Variants in IL1RAPL2 observed in about 807,000 individuals in gnomAD.
IL1RAPL2 encodes the protein interleukin 1 receptor accessory protein like 2.
In IL1RAPL2, 3 loss-of-function variants were observed where a neutral mutation model predicts 44.1. That is an observed-to-expected ratio of 0.07 (90% CI 0.03 to 0.18). The LOEUF (loss-of-function observed/expected upper bound fraction) is 0.18, where lower values mean the gene tolerates loss of function less well. IL1RAPL2 is among the 10% of genes least tolerant of loss of function. IL1RAPL2 has a pLI of 1.00. For synonymous variants in IL1RAPL2, 181 were observed against 178.8 expected, an observed-to-expected ratio of 1.01 and a Z score of -0.10; for missense variants, 391 against 496.4, an observed-to-expected ratio of 0.79 and a Z score of 2.02.
chrX:105,647,202 C>T (rs1346959245), intron 6 of IL1RAPL2, among the ~76,000 whole-genome samples: 2 of 111,928 alleles, frequency 1.8e-5, no homozygotes, highest in Non-Finnish European at 3.8e-5. Context: ...CTGCCAGATC[C>T]GGAGGGGTGG....
At chrX:105,497,693 G>A (rs2036365643) in intron 6 of IL1RAPL2, among the ~76,000 whole-genome samples, 1 of 111,536 alleles carries the variant, frequency 9.0e-6, no homozygotes, top group South Asian at 3.7e-4. Context: ...CTAGCAAACT[G>A]AATTCGACAC....
intron 7 of IL1RAPL2, among the ~76,000 whole-genome samples, chrX:105,732,217 T>C (rs979410131): frequency 2.7e-5 from 3 of 111,439 alleles, no homozygotes; most frequent in Middle Eastern, 4.7e-3. Flanking sequence ...CTGGTTTTAA[T>C]TGAGCATTTT....
chrX:104,859,959 C>T lies in IL1RAPL2; in HGVS notation c.82+200964C>T, dbSNP rs1321413634. 4.5e-5 allele frequency among the ~76,000 whole-genome samples: 5 copies of T among 112,024 alleles called. No homozygotes were observed. In the South Asian group the frequency reaches 1.1e-3, roughly 25 times the overall value. On this transcript the variant is annotated intron_variant, in intron 2 of 10. Transcript: ENST00000372582. Reference sequence around the variant, plus strand: ...AGCCATTTTTAATCTTTGCATTTTCCTCTTTGCAAGTAGTTTCTAAGACAG... The same window carrying T: ...AGCCATTTTTAATCTTTGCATTTTCTTCTTTGCAAGTAGTTTCTAAGACAG...
At chrX:104,805,422 A>T (rs1016340085) in intron 2 of IL1RAPL2, among the ~76,000 whole-genome samples, 1 of 112,097 alleles carries the variant, frequency 8.9e-6, no homozygotes, top group Non-Finnish European at 1.9e-5. Context: ...GGGCAATTTG[A>T]TAGTAATTTA....
chrX:105,457,153 C>G (rs2036061694), intron 5 of IL1RAPL2, among the ~76,000 whole-genome samples: 1 of 109,525 alleles, frequency 9.1e-6, no homozygotes, highest in South Asian at 4.0e-4. Flanking sequence ...CTAGACCCAC[C>G]CTGTTGCACA....
chrX:104,797,428 G>A (rs1932857830), intron 2 of IL1RAPL2, among the ~76,000 whole-genome samples: 1 of 110,544 alleles, frequency 9.0e-6, no homozygotes, highest in Non-Finnish European at 1.9e-5. Context: ...GGTGTTTTTT[G>A]TTTGTTTTCA....
At chrX:105,504,830 G>A (rs1277600888) in intron 6 of IL1RAPL2, among the ~76,000 whole-genome samples, 1 of 111,659 alleles carries the variant, frequency 9.0e-6, no homozygotes, top group Non-Finnish European at 1.9e-5. Flanking sequence ...TTAAGTCTAT[G>A]CATATAATGC....
chrX:105,357,865 C>T (rs1353356191), intron 5 of IL1RAPL2, among the ~76,000 whole-genome samples: 1 of 107,640 alleles, frequency 9.3e-6, no homozygotes, highest in Non-Finnish European at 1.9e-5. Context: ...AATGTTTGGG[C>T]TAGGTGTGGT....
At chrX:104,847,722 C>T (rs1922095574) in intron 2 of IL1RAPL2, among the ~76,000 whole-genome samples, 2 of 111,685 alleles carry the variant, frequency 1.8e-5, no homozygotes, top group Admixed American at 1.9e-4. Flanking sequence ...TTTTCCAATT[C>T]TGTGAAGAAA....
At chrX:105,677,862 G>A (rs1240216636) in intron 6 of IL1RAPL2, among the ~76,000 whole-genome samples, 1 of 111,921 alleles carries the variant, frequency 8.9e-6, no homozygotes, top group Non-Finnish European at 1.9e-5. Flanking sequence ...ATGTTCTGAT[G>A]GAGATTGCAG....
chrX:105,540,586 T>G (rs1263735142), intron 6 of IL1RAPL2, among the ~76,000 whole-genome samples: 1 of 107,960 alleles, frequency 9.3e-6, no homozygotes, highest in African/African-American at 3.4e-5. Context: ...TTGATTATCA[T>G]TTTATTCCAT....
chrX:105,272,442 G>C (rs898673725), intron 5 of IL1RAPL2, among the ~76,000 whole-genome samples: 2 of 111,769 alleles, frequency 1.8e-5, no homozygotes, highest in South Asian at 7.4e-4. Context: ...TTTTAGACAT[G>C]AGCATTAGCT....
intron 2 of IL1RAPL2, among the ~76,000 whole-genome samples, chrX:104,720,742 A>G (rs1931660395): frequency 2.7e-5 from 3 of 111,281 alleles, no homozygotes; most frequent in African/African-American, 9.8e-5. Flanking sequence ...CAGGACTGGT[A>G]TTTTCTTCTT....
At chrX:104,777,371 C>G (rs1932734008) in intron 2 of IL1RAPL2, among the ~76,000 whole-genome samples, 1 of 109,702 alleles carries the variant, frequency 9.1e-6, no homozygotes, top group East Asian at 2.9e-4. Context: ...ACCAGGTGTC[C>G]AAATTTCTTC....
At position 104,631,337 on chromosome X, in the gene IL1RAPL2, C is replaced by A. The variant is rs1396987663; in HGVS notation, c.-19-27558C>A. Among the ~76,000 whole-genome samples the A allele has an allele frequency of 2.7e-5, 3 of 111,790 alleles. No homozygotes were observed. The East Asian group carries it at 8.4e-4, about 31-fold the overall frequency. Reference sequence around the variant, plus strand: ...TCTTTATAGAAGCATGATTTATAATCCTTTGGGTATATACCCAGTAATGGG... The same window carrying A: ...TCTTTATAGAAGCATGATTTATAATACTTTGGGTATATACCCAGTAATGGG... On this transcript the variant is annotated intron_variant, in intron 1 of 10. Transcript: ENST00000372582.
At chrX:104,770,735 C>G (rs1259312129) in intron 2 of IL1RAPL2, among the ~76,000 whole-genome samples, 2 of 112,107 alleles carry the variant, frequency 1.8e-5, no homozygotes, top group African/African-American at 3.2e-5. Context: ...AAGAGACTCA[C>G]TTATTTTTTA....
At chrX:105,312,637 T>C (rs2034807318) in intron 5 of IL1RAPL2, among the ~76,000 whole-genome samples, 1 of 111,865 alleles carries the variant, frequency 8.9e-6, no homozygotes, top group South Asian at 3.7e-4. Context: ...TTTAGGACTT[T>C]AAGACTTGTA....
intron 1 of IL1RAPL2, among the ~76,000 whole-genome samples, chrX:104,643,792 A>G (rs1929980829): frequency 8.9e-6 from 1 of 111,869 alleles, no homozygotes; most frequent in African/African-American, 3.2e-5. Context: ...ATTAATATTA[A>G]TGATCCCTAA....
intron 2 of IL1RAPL2, among the ~76,000 whole-genome samples, chrX:105,066,218 T>G (rs1193870095): frequency 9.0e-6 from 1 of 111,244 alleles, no homozygotes; most frequent in African/African-American, 3.3e-5. Flanking sequence ...AGGGAGACAA[T>G]TGCCTTTGTT....
Sources: gnomAD v4.1 joint callset for allele counts (sites outside exome capture counted in the v4.1 genomes callset) on GRCh38, gnomAD v4.1.1 for gene constraint, MANE v1.5 for transcripts, NCBI Gene and HGNC (gene_info 2026-07-23, HGNC 2026-07-21) for gene names.